The following CFAP61 variants were observed in gnomAD, a reference collection of about 807,000 sequenced individuals.
CFAP61 encodes the protein cilia- and flagella-associated protein 61.
CFAP61 carries 107 observed loss-of-function variants against 135.6 expected under a neutral mutation model. The ratio of observed to expected loss-of-function variants is 0.79; its 90% CI spans 0.67 to 0.93. The LOEUF is 0.93. Among genes scored for constraint, CFAP61 ranks in the 40% least tolerant of loss-of-function variants. The probability of loss-of-function intolerance (pLI) is 0.00; values close to 1 mark genes in which losing one functional copy is unlikely to be tolerated. For missense variants in CFAP61, 1,507 were observed against 1,556.2 expected, an observed-to-expected ratio of 0.97 and a Z score of 0.53; for synonymous variants, 575 against 578.5, an observed-to-expected ratio of 0.99 and a Z score of 0.09.
At chr20:20,315,054 T>G (rs935693278) in intron 25 of CFAP61, among the ~76,000 whole-genome samples, 13 of 132,708 alleles carry the variant, frequency 9.8e-5, no homozygotes, top group Non-Finnish European at 1.9e-4. Context: ...ATATACCCAG[T>G]AATGGGATGG....
chr20:20,264,002 TA>T (rs1269646153), intron 21 of CFAP61, among the ~76,000 whole-genome samples: 1 of 152,190 alleles, frequency 6.6e-6, no homozygotes, highest in Non-Finnish European at 1.5e-5. Flanking sequence ...TTATATTTGT[TA>T]ATACATTAAA....
intron 8 of CFAP61, among the ~76,000 whole-genome samples, chr20:20,126,920 C>A (rs1051523726): frequency 6.6e-6 from 1 of 151,376 alleles, no homozygotes; most frequent in African/African-American, 2.4e-5. Flanking sequence ...TTTTATTATT[C>A]TTTTTTCTTT....
At position 20,126,715 on chromosome 20, in the gene CFAP61, G is replaced by A. The variant is rs566579382; in HGVS notation, c.860-16142G>A. Among the ~76,000 whole-genome samples the A allele has an allele frequency of 1.3e-3, 191 of 151,930 alleles. 1 individual carries two copies. Among genetic ancestry groups the A allele is most frequent in the Admixed American group, 3.4e-3 (52 of 15,292 alleles). ...GCCTAGGCAATGATCTTTTTGTGTT[G>A]AATTTCTCAGGTGTTCTTTGTGCTT... On this transcript the variant is annotated intron_variant, in intron 8 of 26. Transcript: ENST00000245957.
At chr20:20,152,069 C>T (rs1268875703) in intron 9 of CFAP61, among the ~76,000 whole-genome samples, 1 of 152,072 alleles carries the variant, frequency 6.6e-6, no homozygotes, top group Non-Finnish European at 1.5e-5. Flanking sequence ...TCTTTAGCTC[C>T]TCAAACAAAA....
At chr20:20,356,143 GGTGGTCACACTGAGGGGAA>G (rs2059145200) in intron 26 of CFAP61, among the ~76,000 whole-genome samples, 7 of 132,354 alleles carry the variant, frequency 5.3e-5, no homozygotes, top group African/African-American at 1.1e-4. Context: ...ACTGAGAGGA[GGTGGTCACACTGAGGGGAA>G]GTGGTCACAC....
chr20:20,176,824 A>G (rs966990435), intron 13 of CFAP61, among the ~76,000 whole-genome samples: 20 of 152,198 alleles, frequency 1.3e-4, no homozygotes, highest in Non-Finnish European at 4.4e-5. Context: ...GTGGCACACT[A>G]TGTAACGTAT....
chr20:20,104,064 T>C (rs955963030), intron 8 of CFAP61, among the ~76,000 whole-genome samples: 2 of 152,198 alleles, frequency 1.3e-5, no homozygotes, highest in African/African-American at 4.8e-5. Context: ...CAGAACTTGA[T>C]GTGCTCCTTG....
intron 8 of CFAP61, among the ~76,000 whole-genome samples, chr20:20,126,877 A>G (rs1415245549): frequency 6.6e-6 from 1 of 151,854 alleles, no homozygotes; most frequent in African/African-American, 2.4e-5. Flanking sequence ...GTCGTTTAAC[A>G]TAATCCCAGA....
At chr20:20,333,243 C>G (rs540744099) in intron 25 of CFAP61, among the ~76,000 whole-genome samples, 32 of 152,310 alleles carry the variant, frequency 2.1e-4, no homozygotes, top group African/African-American at 7.2e-4. Context: ...TCCCCTGTGC[C>G]AGGCATAATG....
chr20:20,073,660 A>G (rs56665497), intron 3 of CFAP61, among the ~76,000 whole-genome samples: 4,737 of 152,304 alleles, frequency 0.031, 273 homozygotes, highest in African/African-American at 0.11. Flanking sequence ...AGGCCACTTT[A>G]AAAGTCTCAG....
chr20:20,347,116 A>G (rs1269983756), intron 26 of CFAP61, among the ~76,000 whole-genome samples: 2 of 152,226 alleles, frequency 1.3e-5, no homozygotes, highest in Non-Finnish European at 2.9e-5. Context: ...AAATTCACAA[A>G]TTTGTGGAAG....
chr20:20,060,213 A>T (rs1284630542), intron 2 of CFAP61, among the ~76,000 whole-genome samples: 1 of 152,206 alleles, frequency 6.6e-6, no homozygotes, highest in African/African-American at 2.4e-5. Flanking sequence ...TAGAATTGTG[A>T]CATTGTTTCA....
rs1337451135 is a variant in CFAP61 at position 20,199,828 on chromosome 20, C to T, written c.1858C>T (p.Pro620Ser). 1.9e-6 allele frequency: 3 copies of T among 1,614,080 alleles called. No homozygotes were observed. Among genetic ancestry groups the T allele is most frequent in the South Asian group, 1.1e-5 (1 of 91,080 alleles). Residue 620 changes from proline (P) to serine (S), a missense_variant, in exon 17 of 27, where the codon CCA becomes TCA. Pro to Ser is a moderately conservative substitution (Grantham distance 74). Coordinates refer to ENST00000245957, the MANE Select transcript of CFAP61 (RefSeq NM_015585.4). ...SALHYLVPVR[P>S]RRQIVYPLEK... ...CCTTCATTACTTGGTTCCCGTGCGA[C>T]CACGACGACAGATTGTCTATCCTCT... is the stretch of plus-strand genomic sequence containing the variant.
chr20:20,141,231 A>G (rs2051376409), intron 8 of CFAP61, among the ~76,000 whole-genome samples: 2 of 152,062 alleles, frequency 1.3e-5, no homozygotes, highest in Non-Finnish European at 2.9e-5. Context: ...AGTTTTATAT[A>G]TTTTTATAGG....
At chr20:20,209,443 T>A (rs1244470790) in intron 17 of CFAP61, among the ~76,000 whole-genome samples, 1 of 152,210 alleles carries the variant, frequency 6.6e-6, no homozygotes, top group Non-Finnish European at 1.5e-5. Flanking sequence ...ATTCCTGAAT[T>A]GAAAAAGATG....
At chr20:20,186,673 G>A (rs1045320338) in intron 13 of CFAP61, among the ~76,000 whole-genome samples, 2 of 152,020 alleles carry the variant, frequency 1.3e-5, no homozygotes, top group African/African-American at 4.8e-5. Context: ...GGTATTAATT[G>A]TTCATCTTTT....
At chr20:20,163,674 TAC>T (rs1462774221) in intron 10 of CFAP61, among the ~76,000 whole-genome samples, 13 of 152,136 alleles carry the variant, frequency 8.5e-5, no homozygotes, top group Admixed American at 8.5e-4. Context: ...TACCTAGGTA[TAC>T]ATGTGCCATG....
At chr20:20,112,016 G>A (rs2048834274) in intron 8 of CFAP61, among the ~76,000 whole-genome samples, 1 of 152,056 alleles carries the variant, frequency 6.6e-6, no homozygotes, top group Non-Finnish European at 1.5e-5. Flanking sequence ...TTTTCCATGG[G>A]TTTCCTTTTG....
chr20:20,148,006 G>A (rs890010016), intron 9 of CFAP61, among the ~76,000 whole-genome samples: 1 of 152,102 alleles, frequency 6.6e-6, no homozygotes, highest in Non-Finnish European at 1.5e-5. Context: ...GTTGAATATG[G>A]TGTCCTTTTC....
Sources: gnomAD v4.1 joint callset for allele counts (sites outside exome capture counted in the v4.1 genomes callset) on GRCh38, gnomAD v4.1.1 for gene constraint, MANE v1.5 for transcripts, NCBI Gene and HGNC (gene_info 2026-07-23, HGNC 2026-07-21) for gene names.